The following RPTOR variants were observed in gnomAD, a reference collection of about 807,000 sequenced individuals.
The protein encoded by RPTOR is regulatory-associated protein of mTOR.
In RPTOR, 21 loss-of-function variants were observed where a neutral mutation model predicts 169.9. That is an observed-to-expected ratio of 0.12 (90% CI 0.09 to 0.18). The LOEUF is 0.18. Ranked by LOEUF, RPTOR falls within the 10% of genes least tolerant of loss-of-function variation. RPTOR has a pLI of 1.00. For synonymous variants in RPTOR, 732 were observed against 753.2 expected (o/e 0.97, Z 0.46); for missense variants, 1,133 against 1,855.9 (o/e 0.61, Z 7.16).
intron 11 of RPTOR, among the ~76,000 whole-genome samples, chr17:80,852,254 T>C (rs1243539833): frequency 6.6e-6 from 1 of 152,196 alleles, no homozygotes; most frequent in Non-Finnish European, 1.5e-5. Flanking sequence ...TTCTTGATAA[T>C]GATATTGAAG....
intron 20 of RPTOR, among the ~76,000 whole-genome samples, chr17:80,894,090 C>A (rs116775090): frequency 2.0e-5 from 3 of 150,268 alleles, no homozygotes; most frequent in African/African-American, 7.5e-5. Flanking sequence ...CAGGCTGCTC[C>A]GGAGCCATCG....
rs187975031 is a variant in RPTOR, at chr17:80,868,055, G to A, written c.1509+10155G>A. On this transcript the variant is annotated intron_variant, in intron 13 of 33. Transcript: ENST00000306801. ...TCAAGATCGGAAATAGCTTCAAATG[G>A]ACAAACAGATAATGGAACAGGAAGA... 1.5e-3 allele frequency among the ~76,000 whole-genome samples: 226 copies of A among 152,250 alleles called. 2 individuals are homozygous for A. The highest frequency in any genetic ancestry group is 5.3e-3 in the African/African-American group (219 of 41,540).
intron 3 of RPTOR, among the ~76,000 whole-genome samples, chr17:80,665,374 TTTCC>T (rs1567845963): frequency 5.2e-3 from 28 of 5,358 alleles, no homozygotes; most frequent in African/African-American, 6.6e-3. Flanking sequence ...TTTCCTTTCC[TTTCC>T]TTTCCTTTCC....
intron 3 of RPTOR, among the ~76,000 whole-genome samples, chr17:80,706,826 A>C (rs531267883): frequency 4.6e-4 from 70 of 152,312 alleles, no homozygotes; most frequent in African/African-American, 1.7e-3. Context: ...CTGACATCTT[A>C]AGAATGTTGA....
chr17:80,924,443 G>A (rs1157591940), intron 23 of RPTOR, among the ~76,000 whole-genome samples: 2 of 152,170 alleles, frequency 1.3e-5, no homozygotes, highest in Admixed American at 1.3e-4. Flanking sequence ...CCGCCTTGCA[G>A]GATGCCCTGG....
chr17:80,964,146 G>C, intron 33 of RPTOR, 116 bp from the exon 34 acceptor site: 1 of 891,792 alleles, frequency 1.1e-6, no homozygotes, highest in East Asian at 2.5e-5. Context: ...TGGGCGTGGG[G>C]GTTCCTGAGA....
At chr17:80,829,216 A>G (rs368921182) in intron 9 of RPTOR, among the ~76,000 whole-genome samples, 1 of 152,006 alleles carries the variant, frequency 6.6e-6, no homozygotes, top group Non-Finnish European at 1.5e-5. Context: ...CACAGAAGAA[A>G]TCATTACATA....
chr17:80,626,724 T>A (rs2065397628), intron 2 of RPTOR, among the ~76,000 whole-genome samples: 1 of 151,106 alleles, frequency 6.6e-6, no homozygotes, highest in African/African-American at 2.4e-5. Flanking sequence ...GACTGTTTTT[T>A]TTTTTTTTTT....
At chr17:80,709,456 G>A (rs917405487) in intron 4 of RPTOR, among the ~76,000 whole-genome samples, 34 of 152,248 alleles carry the variant, frequency 2.2e-4, no homozygotes, top group African/African-American at 7.0e-4. Context: ...CTGCTGATAC[G>A]CTGGGCGGAC....
At chr17:80,750,699 A>G (rs1283629347) in intron 5 of RPTOR, among the ~76,000 whole-genome samples, 1 of 152,166 alleles carries the variant, frequency 6.6e-6, no homozygotes, top group Non-Finnish European at 1.5e-5. Flanking sequence ...TGTGTACAGC[A>G]GGTTGCATTG....
chr17:80,800,697 T>C (rs139951573), intron 7 of RPTOR, among the ~76,000 whole-genome samples: 94 of 152,226 alleles, frequency 6.2e-4, no homozygotes, highest in African/African-American at 2.2e-3. Context: ...TGCCTGGAAA[T>C]TAAGGGACAT....
chr17:80,945,833 G>A lies in RPTOR; in HGVS notation c.3140+52G>A, dbSNP rs777110389. ...CTTCCGGCTGACCGACAGCCCCAGC[G>A]ATGCCCTGTTCTCCCCCGATCACCA... On this transcript the variant is annotated intron_variant, in intron 26 of 33. Coordinates refer to ENST00000306801, the MANE Select transcript of RPTOR (RefSeq NM_020761.3). 35 of 1,103,442 alleles carry A rather than the reference G, an allele frequency of 3.2e-5. 1 individual carries two copies. Among genetic ancestry groups the A allele is most frequent in the African/African-American group, 2.9e-4 (18 of 61,082 alleles). 68.4% of individuals were successfully genotyped at this position (1,103,442 alleles called of 1,614,324 possible).
chr17:80,723,930 C>A lies in RPTOR; in HGVS notation c.508-6630C>A, dbSNP rs914941735. On this transcript the variant is annotated intron_variant, in intron 4 of 33. Coordinates refer to ENST00000306801, the MANE Select transcript of RPTOR (RefSeq NM_020761.3). ...ATTTTTGCAATAAATACATAGAGAG[C>A]ATGTGATTAGAGGAGCCTGTCTGTT... is the stretch of plus-strand genomic sequence containing the variant. Among the ~76,000 whole-genome samples the A allele has an allele frequency of 2.0e-5, 3 of 151,214 alleles. 1 individual carries two copies. The highest frequency in any genetic ancestry group is 7.4e-5 in the African/African-American group (3 of 40,530).
chr17:80,910,992 G>A (rs763561872), intron 21 of RPTOR, among the ~76,000 whole-genome samples: 18 of 152,012 alleles, frequency 1.2e-4, no homozygotes, highest in African/African-American at 1.7e-4. Context: ...CACCACACCC[G>A]GCTAATTTTT....
rs560292775 is a variant in RPTOR, at chr17:80,791,985, G to A, written c.890+476G>A. On this transcript the variant is annotated intron_variant, in intron 7 of 33. Coordinates refer to ENST00000306801, the MANE Select transcript of RPTOR (RefSeq NM_020761.3). ...TCAGAACCTGAGCGATGAAGTGACGGGATTTAGTCAGGCCTATGAAGAGTC... is the reference window on the plus strand; with the variant it reads ...TCAGAACCTGAGCGATGAAGTGACGAGATTTAGTCAGGCCTATGAAGAGTC... 1.3e-3 allele frequency among the ~76,000 whole-genome samples: 202 copies of A among 152,204 alleles called. 1 individual carries two copies. Among genetic ancestry groups the A allele is most frequent in the African/African-American group, 3.4e-3 (141 of 41,520 alleles).
intron 6 of RPTOR, among the ~76,000 whole-genome samples, chr17:80,765,409 C>A (rs191262407): frequency 2.6e-5 from 4 of 152,330 alleles, no homozygotes; most frequent in Admixed American, 2.6e-4. Flanking sequence ...GAGCCACTTA[C>A]GCTTGTCCAA....
chr17:80,696,735 G>T (rs530577275), intron 3 of RPTOR, among the ~76,000 whole-genome samples: 1 of 152,232 alleles, frequency 6.6e-6, no homozygotes, highest in African/African-American at 2.4e-5. Flanking sequence ...GCGGGAGCAC[G>T]TGAGTGAGCG....
At position 80,651,970 on chromosome 17, in the gene RPTOR, T is replaced by A. The variant is rs1055789224; in HGVS notation, c.348+8160T>A. On this transcript the variant is annotated intron_variant, in intron 3 of 33. Coordinates refer to ENST00000306801, the MANE Select transcript of RPTOR (RefSeq NM_020761.3). This position sits in a 1 kb window ranked among gnomAD's most constrained non-coding sequence, Gnocchi z 4.1. ...TTGCAGTGAGCTGAGATCACGCCAC[T>A]GCACTCCAGCCTGGGGCGACAGCGT... Among the ~76,000 whole-genome samples the A allele has an allele frequency of 1.3e-5, 2 of 151,546 alleles. No homozygotes were observed. Among genetic ancestry groups the A allele is most frequent in the African/African-American group, 2.4e-5 (1 of 41,170 alleles).
chr17:80,644,508 T>C (rs944846352), intron 3 of RPTOR, among the ~76,000 whole-genome samples: 6 of 152,154 alleles, frequency 3.9e-5, no homozygotes, highest in Admixed American at 3.9e-4. Flanking sequence ...TGGGCACTTA[T>C]GGAAGTGCCC....
Sources: gnomAD v4.1 joint callset for allele counts (sites outside exome capture counted in the v4.1 genomes callset) on GRCh38, gnomAD v4.1.1 for gene constraint, Gnocchi (gnomAD v3.1) non-coding constraint, MANE v1.5 for transcripts, NCBI Gene and HGNC (gene_info 2026-07-23, HGNC 2026-07-21) for gene names.